ARSG: variants seen among roughly 807,000 people sequenced by gnomAD.
ARSG encodes arylsulfatase G, also known as ASG.
A neutral mutation model predicts 50.5 loss-of-function variants in ARSG; 37 were observed. The ratio of observed to expected loss-of-function variants is 0.73; its 90% CI spans 0.56 to 0.96. The LOEUF is 0.96. Among genes scored for constraint, ARSG ranks in the 50% least tolerant of loss-of-function variants. The probability of loss-of-function intolerance (pLI) is 0.00; values close to 1 mark genes in which losing one functional copy is unlikely to be tolerated. For missense variants in ARSG, 629 were observed against 675.3 expected, an observed-to-expected ratio of 0.93 and a Z score of 0.76; for synonymous variants, 225 against 254.6, an observed-to-expected ratio of 0.88 and a Z score of 1.11.
intron 1 of ARSG, chr17:68,278,320 T>A: frequency 6.2e-7 from 1 of 1,609,546 alleles, no homozygotes; most frequent in Non-Finnish European, 8.5e-7. Context: ...TTTTGGGTCA[T>A]TCTTAATCTG....
At chr17:68,272,035 T>G (rs2075358438) in intron 1 of ARSG, among the ~76,000 whole-genome samples, 3 of 152,096 alleles carry the variant, frequency 2.0e-5, no homozygotes, top group Non-Finnish European at 4.4e-5. Flanking sequence ...TCTCCTGACC[T>G]CCTGATCTGC....
At chr17:68,368,146 G>T (rs557261279) in intron 6 of ARSG, among the ~76,000 whole-genome samples, 1 of 152,126 alleles carries the variant, frequency 6.6e-6, no homozygotes, top group South Asian at 2.1e-4. Context: ...AAATTTAAAG[G>T]TGTGTGTGTG....
In ARSG at chr17:68,385,021, G is replaced by T. The variant is rs765441973; in HGVS notation, c.983-43G>T. On this transcript the variant is annotated intron_variant, in intron 8 of 11. Transcript: ENST00000621439. ...GCTCTTAGCTGAAAAGAAGTCTCGAGTTATCACCATGGATGAACCAGCTGC... is the reference window on the plus strand; with the variant it reads ...GCTCTTAGCTGAAAAGAAGTCTCGATTTATCACCATGGATGAACCAGCTGC... The T allele has an allele frequency of 2.6e-6, 4 of 1,539,724 alleles. No individual in the cohort carries two copies. The East Asian group carries it at 6.7e-5, about 26-fold the overall frequency.
rs2076655885 is a variant in ARSG at position 68,307,614 on chromosome 17, A to G, written c.121A>G (p.Ile41Val). Residue 41 changes from isoleucine (I) to valine (V), a missense_variant, in exon 2 of 12, where the codon ATT (isoleucine) becomes GTT (valine). Transcript: ENST00000621439. ...AGGACAGAAGCCAAACTTTGTGATT[A>G]TTTTGGCCGATGACATGGGGTGGGG... The part of the protein sequence containing the change: ...TRGQKPNFVI[I>V]LADDMGWGDL... 6.2e-7 allele frequency: 1 copy of G among 1,613,888 alleles called. No individual in the cohort carries two copies. The highest frequency in any genetic ancestry group is 8.5e-7 in the Non-Finnish European group (1 of 1,179,780).
At chr17:68,430,680 G>A in the ARSG span, among the ~76,000 whole-genome samples, 3 of 152,158 alleles carry the variant, frequency 2.0e-5, no homozygotes, top group Non-Finnish European at 4.4e-5. Flanking sequence ...GTGTAATGAT[G>A]GAGATCATGC....
At chr17:68,285,201 C>A (rs1555754006) in intron 1 of ARSG, among the ~76,000 whole-genome samples, 1 of 152,182 alleles carries the variant, frequency 6.6e-6, no homozygotes, top group Non-Finnish European at 1.5e-5. Context: ...GCTACTAAGA[C>A]CAAGGTCAAA....
chr17:68,424,626 A>C (rs2083034474), downstream of ARSG: 3 of 418,674 alleles, frequency 7.2e-6, no homozygotes, highest in Non-Finnish European at 1.4e-5. Context: ...CTGTAATCCT[A>C]GCACTTTGGG....
intron 1 of ARSG, among the ~76,000 whole-genome samples, chr17:68,282,060 A>C: frequency 6.6e-6 from 1 of 152,222 alleles, no homozygotes. Flanking sequence ...ACGTATGTTT[A>C]TTGCGGCACT....
chr17:68,370,394 G>T, intron 7 of ARSG, 50 bp from the exon 8 acceptor site: 1 of 1,581,758 alleles, frequency 6.3e-7, no homozygotes. Flanking sequence ...GAGGGTCAGC[G>T]AAAGTGTCCA....
chr17:68,370,600 G>T, intron 8 of ARSG, 76 bp downstream of exon 8: 1 of 1,359,916 alleles, frequency 7.4e-7, no homozygotes. Flanking sequence ...TCTGCCTCCG[G>T]GTGGGGGACA....
intron 2 of ARSG, among the ~76,000 whole-genome samples, chr17:68,340,936 T>C (rs1185685064): frequency 6.6e-6 from 1 of 152,214 alleles, no homozygotes; most frequent in African/African-American, 2.4e-5. Context: ...TATTATCTTC[T>C]TTTATTTTAT....
downstream of ARSG, chr17:68,426,253 G>GGA (rs1397110340): frequency 1.7e-5 from 14 of 840,896 alleles, no homozygotes; most frequent in African/African-American, 2.0e-4. Flanking sequence ...GGGGAGCGGG[G>GGA]GCTCAAATAA....
the ARSG span, chr17:68,450,975 C>T: frequency 9.2e-6 from 14 of 1,516,802 alleles, no homozygotes; most frequent in East Asian, 7.0e-5. Context: ...ACACTGGGCC[C>T]GGCGCAGGCC....
upstream of ARSG, among the ~76,000 whole-genome samples, chr17:68,288,295 C>T (rs138314297): frequency 1.2e-3 from 176 of 152,294 alleles, no homozygotes; most frequent in African/African-American, 3.8e-3. Context: ...CCACTGTGCC[C>T]GGCCTTCTCC....
chr17:68,353,973 A>G (rs2078916236), intron 5 of ARSG, among the ~76,000 whole-genome samples: 1 of 147,524 alleles, frequency 6.8e-6, no homozygotes, highest in Non-Finnish European at 1.5e-5. Flanking sequence ...AAATGCTGGG[A>G]TTACAGGCAT....
At chr17:68,350,716 C>T (rs746452121) in intron 4 of ARSG, among the ~76,000 whole-genome samples, 10 of 152,042 alleles carry the variant, frequency 6.6e-5, no homozygotes, top group East Asian at 3.8e-4. Context: ...ACCTGGGAGG[C>T]GGAGCTTGCA....
At chr17:68,291,365 G>A (rs1424870746), upstream of ARSG, 3 of 144,254 alleles carry the variant, frequency 2.1e-5, no homozygotes, top group African/African-American at 7.8e-5. Flanking sequence ...CCCCGGCCCC[G>A]CGTCGCTGCC....
rs2080427667 is a variant in ARSG, at chr17:68,381,416, G to T, written c.983-3648G>T. On this transcript the variant is annotated intron_variant, in intron 8 of 11. Transcript: ENST00000621439. The surrounding 1 kb of genome is among the most constrained non-coding windows in gnomAD (Gnocchi z 4.1). ...ATGCATTCTCATGGCCATAAGACACGCATTTCTCGACAGAAAGCCGAAGGC... is the reference window on the plus strand; with the variant it reads ...ATGCATTCTCATGGCCATAAGACACTCATTTCTCGACAGAAAGCCGAAGGC... Among the ~76,000 whole-genome samples the T allele has an allele frequency of 6.6e-6, 1 of 152,198 alleles. No homozygotes were observed. The highest frequency in any genetic ancestry group is 6.5e-5 in the Admixed American group (1 of 15,274).
At chr17:68,279,102 G>A (rs2075615576) in intron 1 of ARSG, among the ~76,000 whole-genome samples, 1 of 152,052 alleles carries the variant, frequency 6.6e-6, no homozygotes, top group Non-Finnish European at 1.5e-5. Flanking sequence ...ACACCAAATG[G>A]CCACCAGACC....
Sources: allele counts gnomAD v4.1 joint callset (sites outside exome capture counted in the v4.1 genomes callset), GRCh38; gene constraint gnomAD v4.1.1; non-coding constraint Gnocchi (gnomAD v3.1); transcripts MANE v1.5; gene names NCBI Gene and HGNC (gene_info 2026-07-23, HGNC 2026-07-21).